RBM47: variants seen among roughly 807,000 people sequenced by gnomAD.
RBM47 encodes the protein RNA binding motif protein 47.
RBM47 carries 21 observed loss-of-function variants against 47.1 expected under a neutral mutation model. That is an observed-to-expected ratio of 0.45 (90% CI 0.32 to 0.64). RBM47 has a LOEUF of 0.64. Ranked by LOEUF, RBM47 falls within the 30% of genes least tolerant of loss-of-function variation. The pLI, the probability that RBM47 is intolerant of heterozygous loss-of-function variation, is 0.05. For synonymous variants in RBM47, 375 were observed against 361.7 expected (o/e 1.04, Z -0.42); for missense variants, 708 against 870.9 (o/e 0.81, Z 2.35).
At chr4:40,477,118 G>A (rs1014502472) in intron 2 of RBM47, among the ~76,000 whole-genome samples, 11 of 152,180 alleles carry the variant, frequency 7.2e-5, no homozygotes, top group African/African-American at 2.7e-4. Flanking sequence ...GGGAGGCGGA[G>A]GTTGCAGTGA....
In RBM47 at chr4:40,562,538, T is replaced by C. The variant is rs141571855; in HGVS notation, c.-239-18032A>G. ...TAGAGTGCACTGGTGCGACCTCGGC[T>C]CACTGCAACCTCTGCCTCCGGGGTT... is the stretch of plus-strand genomic sequence containing the variant. On this transcript the variant is annotated intron_variant, in intron 1 of 6. Coordinates refer to ENST00000295971, the MANE Select transcript of RBM47 (RefSeq NM_001098634.2). Among the ~76,000 whole-genome samples, 146 of 148,480 alleles carry C rather than the reference T, an allele frequency of 9.8e-4. 4 individuals are homozygous for C. In the East Asian group the frequency reaches 0.026, roughly 27 times the overall value.
rs1370745590 is a variant in RBM47, at chr4:40,438,215, C to T, written c.679G>A (p.Ala227Thr). 6.2e-7 allele frequency: 1 copy of T among 1,605,986 alleles called. No homozygotes were observed. The highest frequency in any genetic ancestry group is 2.2e-5 in the East Asian group (1 of 44,862). ...ATCTCAGGTTCGGCCCAGTCCACGG[C>T]GATCTGGTGGCCCCACAGCTGGATG... The part of the protein sequence containing the change: ...GRIQLWGHQI[A>T]VDWAEPEIDV... Residue 227 changes from alanine to threonine, a missense_variant, in exon 4 of 7, where the codon GCC becomes ACC. Ala to Thr is a moderately conservative substitution (Grantham distance 58). Transcript: ENST00000295971.
Position 40,628,146 on chromosome 4 carries a change from T to C in RBM47, c.-240+1250A>G, listed in dbSNP as rs771355944. ...TTTCTGAGACCCCATCCTTCCAGCA[T>C]GCAATAATTAAGTCAAAGAGGCCAA... On this transcript the variant is annotated intron_variant, in intron 1 of 6. Transcript: ENST00000295971. This position sits in a 1 kb window ranked among gnomAD's most constrained non-coding sequence, Gnocchi z 4.0. 1.2e-4 allele frequency among the ~76,000 whole-genome samples: 19 copies of C among 152,180 alleles called. No homozygotes were observed. Among genetic ancestry groups the C allele is most frequent in the Non-Finnish European group, 2.5e-4 (17 of 68,030 alleles).
chr4:40,608,767 CTGGCA>C (rs1258436048), intron 1 of RBM47, among the ~76,000 whole-genome samples: 4 of 152,152 alleles, frequency 2.6e-5, no homozygotes, highest in African/African-American at 4.8e-5. Context: ...TCCTAAAATT[CTGGCA>C]TGAAAGGCAC....
At chr4:40,446,395 C>T (rs1204335158) in intron 3 of RBM47, among the ~76,000 whole-genome samples, 1 of 152,080 alleles carries the variant, frequency 6.6e-6, no homozygotes, top group Non-Finnish European at 1.5e-5. Context: ...GTGTAAAGTT[C>T]TTAGTGCAGA....
chr4:40,609,399 G>A (rs994703253), intron 1 of RBM47, among the ~76,000 whole-genome samples: 43 of 150,562 alleles, frequency 2.9e-4, no homozygotes, highest in Non-Finnish European at 5.8e-4. Flanking sequence ...GGTAACCTCC[G>A]CCTCCCAGGT....
intron 2 of RBM47, among the ~76,000 whole-genome samples, chr4:40,468,543 T>G (rs981546674): frequency 4.6e-5 from 7 of 152,178 alleles, no homozygotes; most frequent in Non-Finnish European, 1.0e-4. Context: ...CCTTTAGGAC[T>G]CCATAGAGCA....
chr4:40,541,046 C>G (rs1451632479), intron 2 of RBM47, among the ~76,000 whole-genome samples: 4 of 151,796 alleles, frequency 2.6e-5, no homozygotes, highest in Non-Finnish European at 4.4e-5. Flanking sequence ...CCCAGCACTA[C>G]GGGAGGCTAC....
chr4:40,537,842 T>A (rs1344051394), intron 2 of RBM47, among the ~76,000 whole-genome samples: 2 of 151,828 alleles, frequency 1.3e-5, no homozygotes, highest in African/African-American at 4.8e-5. Context: ...TTCCTTCTTT[T>A]TTTTTTTTTA....
chr4:40,572,849 C>G (rs1409165596), intron 1 of RBM47, among the ~76,000 whole-genome samples: 1 of 151,632 alleles, frequency 6.6e-6, no homozygotes, highest in Non-Finnish European at 1.5e-5. Flanking sequence ...TATTAAAATT[C>G]ACCACAAAAT....
intron 3 of RBM47, among the ~76,000 whole-genome samples, chr4:40,451,926 T>C (rs537193650): frequency 3.7e-4 from 56 of 152,216 alleles, no homozygotes; most frequent in African/African-American, 1.3e-3. Flanking sequence ...TCCCAGCACT[T>C]TGGGAGGCCA....
chr4:40,520,667 A>C lies in RBM47; in HGVS notation c.-155+23755T>G, dbSNP rs140131639. Among the ~76,000 whole-genome samples the C allele has an allele frequency of 2.0e-5, 3 of 152,334 alleles. No individual in the cohort carries two copies. The East Asian group carries it at 5.8e-4, about 29-fold the overall frequency. ...TCCAAAGGTTTAGGAATGCCCATGAATCATACTCAAACCCCTTTAGAGGAC... is the reference window on the plus strand; with the variant it reads ...TCCAAAGGTTTAGGAATGCCCATGACTCATACTCAAACCCCTTTAGAGGAC... On this transcript the variant is annotated intron_variant, in intron 2 of 6. Coordinates refer to ENST00000295971, the MANE Select transcript of RBM47 (RefSeq NM_001098634.2).
chr4:40,592,020 C>G (rs551668697), intron 1 of RBM47, among the ~76,000 whole-genome samples: 1 of 152,258 alleles, frequency 6.6e-6, no homozygotes, highest in Non-Finnish European at 1.5e-5. Flanking sequence ...CAATGCTTTA[C>G]CCCTCAGGAA....
intron 2 of RBM47, among the ~76,000 whole-genome samples, chr4:40,469,175 T>C (rs1035624699): frequency 6.6e-6 from 1 of 152,194 alleles, no homozygotes; most frequent in African/African-American, 2.4e-5. Flanking sequence ...GTAAAATGTC[T>C]CCCTTTAAAA....
At chr4:40,488,943 T>C (rs1721492511) in intron 2 of RBM47, among the ~76,000 whole-genome samples, 1 of 152,210 alleles carries the variant, frequency 6.6e-6, no homozygotes, top group Non-Finnish European at 1.5e-5. Flanking sequence ...AAAGATTAAA[T>C]AAGTGTTCAA....
intron 3 of RBM47, among the ~76,000 whole-genome samples, chr4:40,439,338 T>G (rs1325470454): frequency 6.6e-6 from 1 of 152,224 alleles, no homozygotes; most frequent in Non-Finnish European, 1.5e-5. Context: ...AACACAGCTT[T>G]CTTCTTTTCT....
chr4:40,579,130 A>AG (rs1395290895), intron 1 of RBM47, among the ~76,000 whole-genome samples: 1 of 150,268 alleles, frequency 6.7e-6, no homozygotes, highest in African/African-American at 2.5e-5. Flanking sequence ...AATTAAAAAA[A>AG]AAAAAAATGC....
intron 3 of RBM47, among the ~76,000 whole-genome samples, chr4:40,457,504 C>T (rs1275413181): frequency 3.9e-5 from 6 of 152,008 alleles, no homozygotes; most frequent in East Asian, 3.9e-4. Context: ...TGTAGTGACA[C>T]GATCTCAGCT....
At chr4:40,621,481 C>T (rs959000210) in intron 1 of RBM47, among the ~76,000 whole-genome samples, 1 of 152,164 alleles carries the variant, frequency 6.6e-6, no homozygotes, top group Non-Finnish European at 1.5e-5. Flanking sequence ...CTAGCACTTC[C>T]GTTTCATGCC....
Sources: gnomAD v4.1 joint callset for allele counts (sites outside exome capture counted in the v4.1 genomes callset) on GRCh38, gnomAD v4.1.1 for gene constraint, Gnocchi (gnomAD v3.1) non-coding constraint, MANE v1.5 for transcripts, NCBI Gene and HGNC (gene_info 2026-07-23, HGNC 2026-07-21) for gene names.